The following MECOM variants were observed in gnomAD, a reference collection of about 807,000 sequenced individuals.
MECOM encodes the protein histone-lysine N-methyltransferase MECOM.
A neutral mutation model predicts 116.3 loss-of-function variants in MECOM; 13 were observed. The observed-to-expected ratio is 0.11, with a 90% CI of 0.07 to 0.18. The LOEUF (loss-of-function observed/expected upper bound fraction) is 0.18. MECOM is among the 10% of genes least tolerant of loss of function. MECOM has a pLI of 1.00. For missense variants in MECOM, 1,299 were observed against 1,509.0 expected (o/e 0.86, Z 2.31); for synonymous variants, 528 against 535.2 (o/e 0.99, Z 0.19).
At chr3:169,478,817 G>T (rs1750857226) in intron 1 of MECOM, among the ~76,000 whole-genome samples, 1 of 152,092 alleles carries the variant, frequency 6.6e-6, no homozygotes, top group South Asian at 2.1e-4. Flanking sequence ...GTCATTTTAG[G>T]CCCATTTTTA....
chr3:169,639,926 G>A (rs572133091), intron 1 of MECOM, among the ~76,000 whole-genome samples: 5 of 152,248 alleles, frequency 3.3e-5, no homozygotes, highest in Admixed American at 2.6e-4. Flanking sequence ...GCTATGCTAT[G>A]TGTCCCATTC....
chr3:169,348,486 T>C (rs1286433455), intron 2 of MECOM, among the ~76,000 whole-genome samples: 2 of 151,996 alleles, frequency 1.3e-5, no homozygotes, highest in East Asian at 3.9e-4. Flanking sequence ...CTATGAGATT[T>C]CCCTCCTGAT....
In MECOM at chr3:169,084,096, A is replaced by G. The variant is rs1716945179; in HGVS notation, c.*813T>C. 8.6e-6 allele frequency: 2 copies of G among 231,744 alleles called. No individual in the cohort carries two copies. Among genetic ancestry groups the G allele is most frequent in the Non-Finnish European group, 1.7e-5 (2 of 117,204 alleles). The allele number at this position is 231,744 out of a possible 1,614,324, so 14.4% of individuals were successfully genotyped here. On this transcript the variant is annotated 3_prime_UTR_variant, in exon 17 of 17. Coordinates refer to ENST00000651503, the MANE Select transcript of MECOM (RefSeq NM_004991.4). ...AACAGTGCTATTTTAATCAACAAAC[A>G]ATAGTTTGCCAACAAATAAATACAT...
At chr3:169,660,582 T>C (rs1213359785) in intron 1 of MECOM, among the ~76,000 whole-genome samples, 4 of 152,324 alleles carry the variant, frequency 2.6e-5, no homozygotes, top group African/African-American at 9.6e-5. Context: ...AACAACTATT[T>C]ATATGTAATT....
rs1468989319 is a variant in MECOM at position 169,219,918 on chromosome 3, A to T, written c.376-76086T>A. Among the ~76,000 whole-genome samples, 4 of 148,918 alleles carry T rather than the reference A, an allele frequency of 2.7e-5. No homozygotes were observed. The East Asian group carries it at 7.8e-4, about 29-fold the overall frequency. On this transcript the variant is annotated intron_variant, in intron 2 of 16. Coordinates refer to ENST00000651503, the MANE Select transcript of MECOM (RefSeq NM_004991.4). ...CCATCTCATTAAGTTTTTTTAAAGG[A>T]TCTAATATATATATTATTCTAATAT...
intron 2 of MECOM, among the ~76,000 whole-genome samples, chr3:169,208,261 TA>T (rs1750218775): frequency 6.7e-6 from 1 of 148,962 alleles, no homozygotes; most frequent in Non-Finnish European, 1.5e-5. Context: ...ATACAATATA[TA>T]ATGTATATAT....
intron 1 of MECOM, among the ~76,000 whole-genome samples, chr3:169,443,683 G>T (rs1304135672): frequency 6.6e-6 from 1 of 152,120 alleles, no homozygotes; most frequent in East Asian, 1.9e-4. Flanking sequence ...GTTTGAACAG[G>T]CTCATCTCCT....
At chr3:169,518,224 A>C (rs1041075628) in intron 1 of MECOM, among the ~76,000 whole-genome samples, 6 of 151,642 alleles carry the variant, frequency 4.0e-5, no homozygotes, top group African/African-American at 1.2e-4. Flanking sequence ...GCACCACTGC[A>C]CTCCAGCCTG....
rs148215690 is a variant in MECOM at position 169,303,340 on chromosome 3, G to GATATATAT, written c.375+77839_375+77846dup. Among the ~76,000 whole-genome samples the GATATATAT allele has an allele frequency of 3.7e-3, 557 of 149,808 alleles. 4 individuals carry two copies. The highest frequency in any genetic ancestry group is 0.013 in the African/African-American group (533 of 40,890). On this transcript the variant is annotated intron_variant, in intron 2 of 16. Transcript: ENST00000651503. ...TTCATGGCTAACCCAACTTGAAACA[G>GATATATAT]ATATATATATATATATCACACTACT... is the stretch of plus-strand genomic sequence containing the variant.
intron 1 of MECOM, among the ~76,000 whole-genome samples, chr3:169,391,533 T>A (rs1317661085): frequency 6.6e-6 from 1 of 151,906 alleles, no homozygotes; most frequent in Non-Finnish European, 1.5e-5. Context: ...ACCACAGAGA[T>A]GAAGAGAATG....
chr3:169,639,507 T>C (rs969799799), intron 1 of MECOM, among the ~76,000 whole-genome samples: 1 of 152,214 alleles, frequency 6.6e-6, no homozygotes, highest in Non-Finnish European at 1.5e-5. Flanking sequence ...TTAAGAATAA[T>C]AGAACCAGAG....
intron 1 of MECOM, among the ~76,000 whole-genome samples, chr3:169,639,916 G>C (rs1189684106): frequency 1.3e-5 from 2 of 152,090 alleles, no homozygotes; most frequent in Non-Finnish European, 2.9e-5. Flanking sequence ...TCTTGCTAAT[G>C]CTATGCTATG....
intron 1 of MECOM, among the ~76,000 whole-genome samples, chr3:169,457,730 C>T (rs1746766091): frequency 6.6e-6 from 1 of 152,136 alleles, no homozygotes; most frequent in African/African-American, 2.4e-5. Context: ...ATATGAGGGC[C>T]ACATACCTGT....
chr3:169,109,707 C>T (rs1726699459), intron 9 of MECOM, among the ~76,000 whole-genome samples: 1 of 152,170 alleles, frequency 6.6e-6, no homozygotes. Flanking sequence ...TGAGTCACCG[C>T]ACCCGGCCTC....
intron 12 of MECOM, among the ~76,000 whole-genome samples, chr3:169,098,369 G>A (rs1197458356): frequency 6.6e-6 from 1 of 152,032 alleles, no homozygotes; most frequent in African/African-American, 2.4e-5. Flanking sequence ...GAATAATACC[G>A]ATTGGGAATT....
chr3:169,212,646 A>G (rs1750905371), intron 2 of MECOM, among the ~76,000 whole-genome samples: 1 of 37,510 alleles, frequency 2.7e-5, no homozygotes, highest in Non-Finnish European at 5.4e-5. Context: ...GTATATATAT[A>G]TATATATATA....
intron 2 of MECOM, among the ~76,000 whole-genome samples, chr3:169,239,497 C>T (rs1485310655): frequency 1.3e-5 from 2 of 151,722 alleles, no homozygotes; most frequent in African/African-American, 2.4e-5. Context: ...GAAAAGTTCA[C>T]ATCAAGGGAA....
At chr3:169,106,087 C>T (rs1394253526) in intron 10 of MECOM, among the ~76,000 whole-genome samples, 1 of 152,158 alleles carries the variant, frequency 6.6e-6, no homozygotes, top group Non-Finnish European at 1.5e-5. Flanking sequence ...AATTCGATTA[C>T]ACATGACTTT....
At chr3:169,659,072 CAAAAAAAA>C (rs199570807) in intron 1 of MECOM, among the ~76,000 whole-genome samples, 3 of 83,550 alleles carry the variant, frequency 3.6e-5, no homozygotes, top group African/African-American at 1.4e-4. Context: ...CCTTCAACTC[CAAAAAAAA>C]AAAAAAAAAA....
Sources: gnomAD v4.1 joint callset for allele counts (sites outside exome capture counted in the v4.1 genomes callset) on GRCh38, gnomAD v4.1.1 for gene constraint, MANE v1.5 for transcripts, NCBI Gene and HGNC (gene_info 2026-07-23, HGNC 2026-07-21) for gene names.